The following CACNA2D2 variants were observed in gnomAD, a reference collection of about 807,000 sequenced individuals.
CACNA2D2 encodes calcium voltage-gated channel auxiliary subunit alpha2delta 2.
Under a neutral mutation model 166.4 loss-of-function variants are expected in CACNA2D2, and 48 were observed. The observed-to-expected ratio is 0.29, with a 90% CI of 0.23 to 0.37. CACNA2D2 has a LOEUF of 0.37. CACNA2D2 is among the 10% of genes least tolerant of loss of function. CACNA2D2 has a pLI of 1.00. For synonymous variants in CACNA2D2, 561 were observed against 573.7 expected (o/e 0.98, Z 0.32); for missense variants, 1,122 against 1,433.0 (o/e 0.78, Z 3.50).
At chr3:50,467,881 C>T (rs1709886839) in intron 2 of CACNA2D2, among the ~76,000 whole-genome samples, 1 of 152,224 alleles carries the variant, frequency 6.6e-6, no homozygotes, top group Non-Finnish European at 1.5e-5. Context: ...GGCAGCCACA[C>T]TCAGAGAAGG....
chr3:50,379,755 C>G lies in CACNA2D2; in HGVS notation c.963G>C (p.Leu321=), dbSNP rs1705205244. The G allele has an allele frequency of 1.9e-6, 3 of 1,613,852 alleles. No individual in the cohort carries two copies. The highest frequency in any genetic ancestry group is 1.7e-5 in the Admixed American group (1 of 60,010). ...CCACATTCACATAGTCATCATCAGA[C>G]AGCGTGTCCAGCATCTCGCAGACAG... The part of the protein sequence containing the change: ...KTSVCEMLDT[L]SDDDYVNVAS... The change falls in exon 10 of 38, where the codon CTG becomes CTC. Residue 321 remains leucine (L), a synonymous_variant. Transcript: ENST00000424201. This position sits in a 1 kb window ranked among gnomAD's most constrained non-coding sequence, Gnocchi z 6.5.
At chr3:50,446,447 G>A (rs1372735996) in intron 2 of CACNA2D2, among the ~76,000 whole-genome samples, 1 of 152,112 alleles carries the variant, frequency 6.6e-6, no homozygotes, top group Non-Finnish European at 1.5e-5. Context: ...ACCCTGTTTC[G>A]GACTCTGCCT....
intron 3 of CACNA2D2, among the ~76,000 whole-genome samples, chr3:50,410,527 A>G (rs932723134): frequency 6.6e-6 from 1 of 151,170 alleles, no homozygotes; most frequent in African/African-American, 2.5e-5. Flanking sequence ...CCCAGCCTCA[A>G]CCCACACAAG....
At position 50,362,981 on chromosome 3, in the gene CACNA2D2, G is replaced by A; in HGVS notation, c.*1685C>T. ...AAAAAAAGGGCAGAGAAAAGGAAAT[G>A]GCCCCCCAGTCCCCCAGCCCAAGGT... On this transcript the variant is annotated 3_prime_UTR_variant, in exon 38 of 38. Transcript: ENST00000424201. 1 of 397,672 alleles carries A rather than the reference G, an allele frequency of 2.5e-6. No homozygotes were observed. The highest frequency in any genetic ancestry group is 4.4e-6 in the Non-Finnish European group (1 of 225,908). The allele number at this position is 397,672 out of a possible 1,614,324, so 24.6% of individuals were successfully genotyped here.
intron 22 of CACNA2D2, among the ~76,000 whole-genome samples, chr3:50,373,374 C>T (rs907330028): frequency 2.0e-5 from 3 of 149,552 alleles, no homozygotes; most frequent in Non-Finnish European, 3.0e-5. Context: ...CCAGTGACCT[C>T]GGGCGTGGTG....
At chr3:50,448,386 T>C (rs1708951365) in intron 2 of CACNA2D2, among the ~76,000 whole-genome samples, 1 of 152,204 alleles carries the variant, frequency 6.6e-6, no homozygotes, top group Non-Finnish European at 1.5e-5. Flanking sequence ...ACCCAGATGA[T>C]GCAGAAGCCA....
At chr3:50,470,797 G>A (rs908208221) in intron 2 of CACNA2D2, among the ~76,000 whole-genome samples, 26 of 151,936 alleles carry the variant, frequency 1.7e-4, no homozygotes, top group Non-Finnish European at 2.1e-4. Context: ...GACACAGAGG[G>A]GGTCTAGGCA....
rs1262220342 is a variant in CACNA2D2, at chr3:50,387,560, G to T, written c.510+8C>A. On this transcript the variant is annotated splice_region_variant and intron_variant, in intron 5 of 37. Coordinates refer to ENST00000424201, the MANE Select transcript of CACNA2D2 (RefSeq NM_006030.4). ...GCAAGGAGGTGTGGCTCAGGAGGGG[G>T]TGCTCACCAGCTCAGCGTCAGCCTT... The T allele has an allele frequency of 1.2e-6, 2 of 1,612,844 alleles. No individual in the cohort carries two copies. The highest frequency in any genetic ancestry group is 1.3e-5 in the African/African-American group (1 of 74,908).
At chr3:50,466,419 G>GC (rs1400953182) in intron 2 of CACNA2D2, among the ~76,000 whole-genome samples, 1 of 152,128 alleles carries the variant, frequency 6.6e-6, no homozygotes, top group Non-Finnish European at 1.5e-5. Context: ...CCTAATGTGT[G>GC]CCCGCTCACA....
intron 3 of CACNA2D2, among the ~76,000 whole-genome samples, chr3:50,406,483 C>T (rs138073690): frequency 2.0e-5 from 3 of 151,644 alleles, no homozygotes; most frequent in Non-Finnish European, 4.4e-5. Context: ...TCAATATTAT[C>T]CCTGCACCAC....
Position 50,377,561 on chromosome 3 carries a change from G to A in CACNA2D2, c.1552-20C>T. 3 of 1,610,774 alleles carry A rather than the reference G, an allele frequency of 1.9e-6. No individual in the cohort carries two copies. The highest frequency in any genetic ancestry group is 2.5e-6 in the Non-Finnish European group (3 of 1,177,718). ...CTGGTTCTGGGAGCAGAAGCATGGGGGGCTCCTCAGTGAGCTCAATTCCAT... is the reference window on the plus strand; with the variant it reads ...CTGGTTCTGGGAGCAGAAGCATGGGAGGCTCCTCAGTGAGCTCAATTCCAT... On this transcript the variant is annotated intron_variant, in intron 16 of 37. Coordinates refer to ENST00000424201, the MANE Select transcript of CACNA2D2 (RefSeq NM_006030.4).
chr3:50,410,055 C>T (rs536917146), intron 3 of CACNA2D2, among the ~76,000 whole-genome samples: 8 of 152,290 alleles, frequency 5.3e-5, no homozygotes, highest in African/African-American at 1.9e-4. Context: ...GAGCTCTGGC[C>T]CCCAAGAACC....
intron 1 of CACNA2D2, among the ~76,000 whole-genome samples, chr3:50,494,667 A>C (rs1339676795): frequency 6.6e-6 from 1 of 151,874 alleles, no homozygotes. Flanking sequence ...CATAGATTTT[A>C]TTTATTTATT....
intron 2 of CACNA2D2, among the ~76,000 whole-genome samples, chr3:50,475,207 C>T (rs577794752): frequency 6.6e-6 from 1 of 152,292 alleles, no homozygotes; most frequent in African/African-American, 2.4e-5. Flanking sequence ...CATCTGCTGA[C>T]CCTGGCCCTG....
chr3:50,371,011 G>A (rs1200231770), intron 22 of CACNA2D2, among the ~76,000 whole-genome samples: 1 of 152,100 alleles, frequency 6.6e-6, no homozygotes, highest in African/African-American at 2.4e-5. Context: ...GCAGCTGAGG[G>A]TTCACTGCAG....
intron 2 of CACNA2D2, among the ~76,000 whole-genome samples, chr3:50,454,880 T>C (rs1203676074): frequency 6.6e-6 from 1 of 152,162 alleles, no homozygotes; most frequent in Admixed American, 6.5e-5. Flanking sequence ...CTGCCCTGCG[T>C]GCTGGGAACA....
chr3:50,410,858 G>C (rs932778467), intron 3 of CACNA2D2, among the ~76,000 whole-genome samples: 1 of 152,236 alleles, frequency 6.6e-6, no homozygotes, highest in African/African-American at 2.4e-5. Flanking sequence ...GGGGGTGGAG[G>C]GCCTGGAGTT....
At chr3:50,408,105 C>T (rs1214786423) in intron 3 of CACNA2D2, among the ~76,000 whole-genome samples, 2 of 152,224 alleles carry the variant, frequency 1.3e-5, no homozygotes, top group South Asian at 2.1e-4. Flanking sequence ...ATTCCCCCGA[C>T]GAGGTCACCA....
chr3:50,394,046 G>A, intron 4 of CACNA2D2, 63 bp downstream of exon 4: 2 of 1,474,198 alleles, frequency 1.4e-6, no homozygotes, highest in Non-Finnish European at 1.9e-6. Context: ...CCACCCCCCA[G>A]CATTCAAATC....
Sources: gnomAD v4.1 joint callset for allele counts (sites outside exome capture counted in the v4.1 genomes callset) on GRCh38, gnomAD v4.1.1 for gene constraint, Gnocchi (gnomAD v3.1) non-coding constraint, MANE v1.5 for transcripts, NCBI Gene and HGNC (gene_info 2026-07-23, HGNC 2026-07-21) for gene names.